The following SMIM27 variants were observed in gnomAD, a reference collection of about 807,000 sequenced individuals.
The protein encoded by SMIM27 is TOPORS antisense RNA 1 (non-protein coding).
In SMIM27, 3 loss-of-function variants were observed where a neutral mutation model predicts 1.8. The ratio of observed to expected loss-of-function variants is 1.65; its 90% CI spans 0.75 to 4.28. The LOEUF is 4.28. Ranked by LOEUF, SMIM27 falls within the 30% of genes most tolerant of loss-of-function variation. The pLI is 0.02. For synonymous variants in SMIM27, 19 were observed against 13.9 expected, an observed-to-expected ratio of 1.37 and a Z score of -0.82; for missense variants, 63 against 37.0, an observed-to-expected ratio of 1.70 and a Z score of -1.83.
At chr9:32,555,926 G>A (rs988079806), downstream of SMIM27, among the ~76,000 whole-genome samples, 1 of 152,224 alleles carries the variant, frequency 6.6e-6, no homozygotes, top group African/African-American at 2.4e-5. Flanking sequence ...CCAAGAACCA[G>A]TGACTACTAT....
At chr9:32,565,778 G>C (rs688556) in intron 1 of SMIM27, 91,284 of 154,490 alleles carry the variant, frequency 0.59, 27,475 homozygotes, top group Middle Eastern at 0.68. Flanking sequence ...TCGAGACCAG[G>C]CCGACCAACA....
downstream of SMIM27, among the ~76,000 whole-genome samples, chr9:32,555,528 T>C (rs77087090): frequency 0.026 from 3,997 of 152,350 alleles, 75 homozygotes; most frequent in Non-Finnish European, 0.04. Context: ...AAACAGATAC[T>C]GGCATGAGAC....
chr9:32,553,134 T>C (rs1821347391), downstream of SMIM27: 2 of 456,362 alleles, frequency 4.4e-6, no homozygotes, highest in East Asian at 3.6e-5. Context: ...GTCTTGAGTG[T>C]CAGATCATAG....
At chr9:32,557,445 A>C (rs1821496663), downstream of SMIM27, among the ~76,000 whole-genome samples, 1 of 150,380 alleles carries the variant, frequency 6.6e-6, no homozygotes, top group African/African-American at 2.5e-5. Context: ...CTGTAATTAC[A>C]GGCATGAGCC....
chr9:32,563,287 T>C (rs656706), intron 1 of SMIM27, among the ~76,000 whole-genome samples: 146,201 of 152,244 alleles, frequency 0.96, 70,284 homozygotes, highest in Middle Eastern at 0.98. Context: ...AAATTAAATA[T>C]TTTGAGGATA....
chr9:32,560,009 T>C (rs555948041), intron 1 of SMIM27, among the ~76,000 whole-genome samples: 21 of 152,332 alleles, frequency 1.4e-4, no homozygotes, highest in African/African-American at 4.8e-4. Flanking sequence ...ATATGAGGCA[T>C]AGAGAACTGG....
At chr9:32,564,788 C>G (rs916822039) in intron 1 of SMIM27, among the ~76,000 whole-genome samples, 3 of 152,180 alleles carry the variant, frequency 2.0e-5, no homozygotes, top group African/African-American at 7.2e-5. Flanking sequence ...GTGCACTGAA[C>G]AGCTTCCAGT....
intron 1 of SMIM27, 69 bp downstream of exon 1, chr9:32,552,548 T>G (rs1821317971): frequency 4.3e-6 from 6 of 1,406,632 alleles, no homozygotes; most frequent in Non-Finnish European, 5.9e-6. Context: ...AGGCCCTATT[T>G]CTTCAGCACC....
upstream of SMIM27, chr9:32,551,261 A>C: frequency 1.8e-6 from 1 of 562,846 alleles, no homozygotes; most frequent in East Asian, 3.0e-5. Flanking sequence ...AAACACGAGA[A>C]CTAGTTCGAT....
At chr9:32,552,238 G>C (rs1207516768), upstream of SMIM27, 1 of 701,822 alleles carries the variant, frequency 1.4e-6, no homozygotes, top group East Asian at 2.7e-5. Flanking sequence ...TAAAAGGCGG[G>C]CAAGGCCCCC....
intron 1 of SMIM27, among the ~76,000 whole-genome samples, chr9:32,561,768 A>G (rs936238486): frequency 1.3e-5 from 2 of 152,148 alleles, no homozygotes; most frequent in African/African-American, 4.8e-5. Context: ...CACCAACTTC[A>G]GGTGTTTCTT....
upstream of SMIM27, chr9:32,551,371 T>C (rs1338639359): frequency 5.9e-6 from 2 of 340,130 alleles, no homozygotes; most frequent in Non-Finnish European, 1.2e-5. Context: ...TCACCTCCTG[T>C]TGTACGCCTC....
chr9:32,562,779 T>C (rs1037688773), intron 1 of SMIM27, among the ~76,000 whole-genome samples: 6 of 152,216 alleles, frequency 3.9e-5, no homozygotes, highest in African/African-American at 1.4e-4. Flanking sequence ...ATCTTCTCAA[T>C]TGTCTCAATA....
At chr9:32,557,974 G>GACAAGAAC (rs1290781719), downstream of SMIM27, among the ~76,000 whole-genome samples, 1 of 152,150 alleles carries the variant, frequency 6.6e-6, no homozygotes, top group East Asian at 1.9e-4. Context: ...ACTAGAAATA[G>GACAAGAAC]ACAAGAACAT....
chr9:32,552,233 G>A, upstream of SMIM27: 4 of 655,384 alleles, frequency 6.1e-6, no homozygotes, highest in African/African-American at 1.9e-5. Flanking sequence ...CTCTCTAAAA[G>A]GCGGGCAAGG....
chr9:32,552,556 A>G lies in SMIM27; in HGVS notation c.45+77A>G, dbSNP rs754920284. ...GGCGGAAAGGCCCTATTTCTTCAGC[A>G]CCCAGAAACTCCAAAATCCATTCCT... On this transcript the variant is annotated intron_variant, in intron 1 of 1. Transcript: ENST00000692500. 4.7e-5 allele frequency: 62 copies of G among 1,321,480 alleles called. No homozygotes were observed. In the African/African-American group the frequency reaches 7.3e-4, roughly 16 times the overall value. 81.9% of individuals were successfully genotyped at this position (1,321,480 alleles called of 1,614,324 possible).
chr9:32,565,799 C>A (rs1368496958), intron 1 of SMIM27, among the ~76,000 whole-genome samples: 4 of 152,146 alleles, frequency 2.6e-5, no homozygotes, highest in Non-Finnish European at 5.9e-5. Context: ...TGGCGAAACC[C>A]TGTCTCTACT....
At chr9:32,563,879 T>A (rs1452071849) in intron 1 of SMIM27, among the ~76,000 whole-genome samples, 1 of 152,236 alleles carries the variant, frequency 6.6e-6, no homozygotes, top group Non-Finnish European at 1.5e-5. Flanking sequence ...GCAAGCTGAC[T>A]CTGTGTCCTT....
downstream of SMIM27, among the ~76,000 whole-genome samples, chr9:32,557,893 G>C (rs765288989): frequency 5.9e-5 from 9 of 152,166 alleles, no homozygotes; most frequent in Non-Finnish European, 1.3e-4. Context: ...TAAGTCATTT[G>C]ATTAAAGCAA....
Sources: gnomAD v4.1 joint callset for allele counts (sites outside exome capture counted in the v4.1 genomes callset) on GRCh38, gnomAD v4.1.1 for gene constraint, MANE v1.5 for transcripts, NCBI Gene and HGNC (gene_info 2026-07-23, HGNC 2026-07-21) for gene names.